Variants in ERGIC1 observed in about 807,000 individuals in gnomAD.
ERGIC1 encodes the protein endoplasmic reticulum-golgi intermediate compartment 1.
ERGIC1 carries 19 observed loss-of-function variants against 38.3 expected under a neutral mutation model. The observed-to-expected ratio is 0.50, with a 90% CI of 0.35 to 0.73. The LOEUF (loss-of-function observed/expected upper bound fraction) is 0.73, where lower values mean the gene tolerates loss of function less well. Among genes scored for constraint, ERGIC1 ranks in the 30% least tolerant of loss-of-function variants. The pLI is 0.01. For missense variants in ERGIC1, 294 were observed against 389.2 expected, an observed-to-expected ratio of 0.76 and a Z score of 2.06; for synonymous variants, 124 against 157.6, an observed-to-expected ratio of 0.79 and a Z score of 1.60.
intron 3 of ERGIC1, among the ~76,000 whole-genome samples, chr5:172,899,434 T>TA (rs35011302): frequency 0.27 from 40,317 of 151,322 alleles, 6,008 homozygotes; most frequent in African/African-American, 0.4. Context: ...TCTTGTGCTT[T>TA]GCCTCCTGAG....
chr5:172,903,415 C>T (rs1762936074), intron 3 of ERGIC1, among the ~76,000 whole-genome samples: 1 of 152,150 alleles, frequency 6.6e-6, no homozygotes, highest in African/African-American at 2.4e-5. Context: ...CAGCTTTTCA[C>T]CGATTCCCAT....
At chr5:172,865,663 C>T (rs1314825478) in intron 1 of ERGIC1, among the ~76,000 whole-genome samples, 1 of 152,188 alleles carries the variant, frequency 6.6e-6, no homozygotes, top group African/African-American at 2.4e-5. Flanking sequence ...TGACTTCCCT[C>T]CCCTTGCTTT....
intron 1 of ERGIC1, among the ~76,000 whole-genome samples, chr5:172,884,122 T>A (rs765857870): frequency 6.6e-6 from 1 of 152,238 alleles, no homozygotes; most frequent in Non-Finnish European, 1.5e-5. Context: ...TTTGATTTGT[T>A]CATTTCTTTA....
intron 7 of ERGIC1, among the ~76,000 whole-genome samples, chr5:172,930,424 C>T (rs1763753538): frequency 6.6e-6 from 1 of 151,488 alleles, no homozygotes; most frequent in East Asian, 2.0e-4. Context: ...CTCACTGCAA[C>T]CTCCACCTCC....
intron 3 of ERGIC1, among the ~76,000 whole-genome samples, chr5:172,908,323 A>AGGG (rs1763099094): frequency 0.02 from 5 of 244 alleles, no homozygotes; most frequent in African/African-American, 0.023. Context: ...GGGGGGAGAG[A>AGGG]GGGGAGGGGG....
chr5:172,915,606 C>T (rs1172567722), intron 5 of ERGIC1: 1 of 471,116 alleles, frequency 2.1e-6, no homozygotes, highest in African/African-American at 2.0e-5. Flanking sequence ...CAGGGTTTTG[C>T]TCAGCACGTG....
chr5:172,931,113 C>T (rs1763766622), intron 7 of ERGIC1: 1 of 152,140 alleles, frequency 6.6e-6, no homozygotes, highest in South Asian at 2.1e-4. Context: ...TGACTCGACT[C>T]TGCGACCAGG....
At chr5:172,950,150 A>G (rs368252068) in intron 9 of ERGIC1, among the ~76,000 whole-genome samples, 1 of 152,216 alleles carries the variant, frequency 6.6e-6, no homozygotes, top group African/African-American at 2.4e-5. Context: ...TGCCTTGGCT[A>G]TAATTTTGCA....
chr5:172,904,329 C>T (rs972836179), intron 3 of ERGIC1, among the ~76,000 whole-genome samples: 2 of 152,226 alleles, frequency 1.3e-5, no homozygotes, highest in Non-Finnish European at 2.9e-5. Flanking sequence ...TCAGTAGCCC[C>T]CACCACTATT....
chr5:172,914,716 G>A lies in ERGIC1; in HGVS notation c.253G>A (p.Val85Ile). ...ISLPNLHCEL[V>I]GLDIQDEMGR... ...TTGTCTCCCTTTGGCTCCTGCAGTG[G>A]TTGGGCTTGACATTCAGGATGAGAT... The change falls in exon 5 of 10, where the codon GTT (valine) becomes ATT (isoleucine). Residue 85 changes from valine to isoleucine, a missense_variant and splice_region_variant. Val to Ile is a conservative substitution (Grantham distance 29). Around this residue, in one of 3 missense-constraint regions of ERGIC1, gnomAD observed 163 missense variants for 225.8 expected, o/e 0.72. Coordinates refer to ENST00000393784, the MANE Select transcript of ERGIC1 (RefSeq NM_001031711.3). 1 of 1,614,082 alleles carries A rather than the reference G, an allele frequency of 6.2e-7. No individual in the cohort carries two copies. Among genetic ancestry groups the A allele is most frequent in the Non-Finnish European group, 8.5e-7 (1 of 1,180,038 alleles).
At chr5:172,946,128 C>T (rs1003516316) in intron 9 of ERGIC1, among the ~76,000 whole-genome samples, 2 of 152,212 alleles carry the variant, frequency 1.3e-5, no homozygotes, top group African/African-American at 4.8e-5. Flanking sequence ...CTCCCCAGCC[C>T]TCACCTCATG....
At chr5:172,851,698 C>T (rs1050603368) in intron 1 of ERGIC1, among the ~76,000 whole-genome samples, 4 of 151,786 alleles carry the variant, frequency 2.6e-5, no homozygotes, top group Non-Finnish European at 4.4e-5. Flanking sequence ...TTCAGGTGCC[C>T]GAGGACCCCT....
intron 3 of ERGIC1, among the ~76,000 whole-genome samples, chr5:172,900,397 C>T (rs1762841031): frequency 6.6e-6 from 1 of 151,958 alleles, no homozygotes; most frequent in Non-Finnish European, 1.5e-5. Flanking sequence ...TGGAGAGGTA[C>T]AAAGCTTAGG....
chr5:172,841,572 A>G (rs1761162527), intron 1 of ERGIC1, among the ~76,000 whole-genome samples: 1 of 152,214 alleles, frequency 6.6e-6, no homozygotes, highest in Non-Finnish European at 1.5e-5. Context: ...CCTGGCTGTA[A>G]TTACAGTTAG....
chr5:172,881,394 G>T (rs1469072929), intron 1 of ERGIC1, among the ~76,000 whole-genome samples: 1 of 152,164 alleles, frequency 6.6e-6, no homozygotes, highest in Non-Finnish European at 1.5e-5. Context: ...TGGGCCTTAT[G>T]CTTGTGCAGA....
At chr5:172,949,092 T>C (rs1209666626) in intron 9 of ERGIC1, among the ~76,000 whole-genome samples, 3 of 152,230 alleles carry the variant, frequency 2.0e-5, no homozygotes, top group African/African-American at 4.8e-5. Context: ...TGAACTTCAT[T>C]TGTCTTCCAT....
intron 4 of ERGIC1, among the ~76,000 whole-genome samples, chr5:172,914,166 C>T (rs1040880385): frequency 1.4e-5 from 2 of 138,636 alleles, no homozygotes; most frequent in African/African-American, 2.7e-5. Context: ...ATGCAGGAGG[C>T]GGAGGTTGCA....
intron 3 of ERGIC1, among the ~76,000 whole-genome samples, chr5:172,900,958 C>G (rs561544622): frequency 9.6e-4 from 146 of 152,274 alleles, no homozygotes; most frequent in Non-Finnish European, 1.9e-3. Context: ...ACAGAGCAAT[C>G]GAGAGGAGAA....
At chr5:172,905,703 G>A (rs1006413055) in intron 3 of ERGIC1, among the ~76,000 whole-genome samples, 34 of 151,836 alleles carry the variant, frequency 2.2e-4, no homozygotes, top group African/African-American at 7.3e-4. Flanking sequence ...TGACGACTGC[G>A]ATCAGCACCA....
Sources: allele counts gnomAD v4.1 joint callset (sites outside exome capture counted in the v4.1 genomes callset), GRCh38; gene constraint gnomAD v4.1.1; regional missense constraint gnomAD v4.1.1; transcripts MANE v1.5; gene names NCBI Gene and HGNC (gene_info 2026-07-23, HGNC 2026-07-21).